NR1D1: variants seen among roughly 807,000 people sequenced by gnomAD.
NR1D1 encodes nuclear receptor subfamily 1 group D member 1, also known as Rev-ErbAalpha.
NR1D1 carries 17 observed loss-of-function variants against 51.1 expected under a neutral mutation model. The observed-to-expected ratio is 0.33, with a 90% CI of 0.23 to 0.50. The LOEUF (loss-of-function observed/expected upper bound fraction) is 0.50, where lower values mean the gene tolerates loss of function less well. Among genes scored for constraint, NR1D1 ranks in the 20% least tolerant of loss-of-function variants. The probability of loss-of-function intolerance (pLI) is 0.98; values close to 1 mark genes in which losing one functional copy is unlikely to be tolerated. For missense variants in NR1D1, 647 were observed against 830.4 expected (o/e 0.78, Z 2.71); for synonymous variants, 341 against 333.4 (o/e 1.02, Z -0.25).
chr17:40,098,074 T>C (rs1987799836), intron 1 of NR1D1, among the ~76,000 whole-genome samples: 2 of 152,300 alleles, frequency 1.3e-5, no homozygotes, highest in Admixed American at 1.3e-4. Flanking sequence ...GTACAAACTG[T>C]CCAGCCTGGG....
At chr17:40,099,075 T>A (rs1285116751) in intron 1 of NR1D1, among the ~76,000 whole-genome samples, 1 of 143,594 alleles carries the variant, frequency 7.0e-6, no homozygotes, top group Non-Finnish European at 1.5e-5. Context: ...CAGCCCAGCT[T>A]CACCCAGATC....
Position 40,093,185 on chromosome 17 carries a change from C to T in NR1D1, c.1743G>A (p.Glu581=). ...RALVLKNRPL[E]TSRFTKLLLK... ...GCAGCAGCTTGGTGAAGCGGGAAGT[C>T]TCCAAGGGCCGGTTCTTCAGCACCA... Residue 581 remains glutamate (E), a synonymous_variant, in exon 8 of 8, where the codon GAG becomes GAA. Coordinates refer to ENST00000246672, the MANE Select transcript of NR1D1 (RefSeq NM_021724.5). The surrounding 1 kb of genome is among the most constrained non-coding windows in gnomAD (Gnocchi z 5.9). The T allele has an allele frequency of 6.2e-7, 1 of 1,613,922 alleles. No individual in the cohort carries two copies. The highest frequency in any genetic ancestry group is 8.5e-7 in the Non-Finnish European group (1 of 1,180,030).
At position 40,092,906 on chromosome 17, in the gene NR1D1, G is replaced by T; in HGVS notation, c.*177C>A. 2 of 1,438,288 alleles carry T rather than the reference G, an allele frequency of 1.4e-6. No individual in the cohort carries two copies. Among genetic ancestry groups the T allele is most frequent in the East Asian group, 4.9e-5 (2 of 40,886 alleles). 89.1% of individuals were successfully genotyped at this position (1,438,288 alleles called of 1,614,324 possible). On this transcript the variant is annotated 3_prime_UTR_variant, in exon 8 of 8. Coordinates refer to ENST00000246672, the MANE Select transcript of NR1D1 (RefSeq NM_021724.5). ...GGGGAGGAGGGGAAGTTCGGTGATG[G>T]GGGAGGGAGGCAGGTATTTACAAGA...
In NR1D1 at chr17:40,094,069, C is replaced by T. The variant is rs1210448277; in HGVS notation, c.1488G>A (p.Met496Ile). 1 of 1,614,044 alleles carries T rather than the reference C, an allele frequency of 6.2e-7. No individual in the cohort carries two copies. The highest frequency in any genetic ancestry group is 8.5e-7 in the Non-Finnish European group (1 of 1,180,042). ...GGCTGTAGGTGGTGCGGCTTAGGAACATCACTGTCTGGTCCTTCACGTTGA... is the reference window on the plus strand; with the variant it reads ...GGCTGTAGGTGGTGCGGCTTAGGAATATCACTGTCTGGTCCTTCACGTTGA... ...SLFNVKDQTVMFLSRTTYSLQ... is the reference protein window; with the variant it reads ...SLFNVKDQTVIFLSRTTYSLQ... The change falls in exon 7 of 8, where the codon ATG (methionine) becomes ATA (isoleucine). Residue 496 changes from methionine to isoleucine, a missense_variant. Coordinates refer to ENST00000246672, the MANE Select transcript of NR1D1 (RefSeq NM_021724.5).
In NR1D1 at chr17:40,096,427, G is replaced by C. The variant is rs199533436; in HGVS notation, c.604+16C>G. On this transcript the variant is annotated intron_variant, in intron 4 of 7. Coordinates refer to ENST00000246672, the MANE Select transcript of NR1D1 (RefSeq NM_021724.5). ...TGGGCGGAAGAAGGGGGGAGGATGT[G>C]GGGATGCTGCCTCACCGTCTCGAGA... The C allele has an allele frequency of 6.2e-7, 1 of 1,614,034 alleles. No individual in the cohort carries two copies. Among genetic ancestry groups the C allele is most frequent in the Non-Finnish European group, 8.5e-7 (1 of 1,179,874 alleles).
chr17:40,093,794 A>G lies in NR1D1; in HGVS notation c.1645+118T>C, dbSNP rs1987682452. On this transcript the variant is annotated intron_variant, in intron 7 of 7. Transcript: ENST00000246672. The surrounding 1 kb of genome is among the most constrained non-coding windows in gnomAD (Gnocchi z 5.9). ...TCCCAAGCTAGACTGTGTCTGAATCATGTCTGTATCCCCAGTGCCCGGTGC... is the reference window on the plus strand; with the variant it reads ...TCCCAAGCTAGACTGTGTCTGAATCGTGTCTGTATCCCCAGTGCCCGGTGC... 1.2e-6 allele frequency: 1 copy of G among 851,234 alleles called. No individual in the cohort carries two copies. Among genetic ancestry groups the G allele is most frequent in the Non-Finnish European group, 1.9e-6 (1 of 538,810 alleles). The allele number at this position is 851,234 out of a possible 1,614,324, so 52.7% of individuals were successfully genotyped here.
chr17:40,097,084 C>G lies in NR1D1; in HGVS notation c.351G>C (p.Lys117Asn). The change falls in exon 2 of 8, where the codon AAG becomes AAC. Residue 117 changes from lysine (K) to asparagine (N), a missense_variant. Lys to Asn is a moderately conservative substitution (Grantham distance 94, BLOSUM62 0). This residue lies in a region of NR1D1 where 98 missense variants were observed against 94.7 expected (regional missense o/e 1.03). Coordinates refer to ENST00000246672, the MANE Select transcript of NR1D1 (RefSeq NM_021724.5). The stretch of plus-strand genomic sequence containing the variant: ...ACTCACTGGTGATGTTGCTGGTGCT[C>G]TTGCTGGGGGACACTCGGCTGCTGT... The part of the protein sequence containing the change: ...MEDSSRVSPS[K>N]STSNITKLNG... The G allele has an allele frequency of 6.2e-7, 1 of 1,601,442 alleles. No homozygotes were observed. Among genetic ancestry groups the G allele is most frequent in the Non-Finnish European group, 8.5e-7 (1 of 1,173,324 alleles).
rs1987669316 is a variant in NR1D1 at position 40,093,465 on chromosome 17, A to C, written c.1646-183T>G. 6.7e-7 allele frequency: 1 copy of C among 1,497,206 alleles called. No homozygotes were observed. Among genetic ancestry groups the C allele is most frequent in the Non-Finnish European group, 8.9e-7 (1 of 1,120,752 alleles). 92.7% of individuals were successfully genotyped at this position (1,497,206 alleles called of 1,614,324 possible). A position where few individuals can be genotyped will look rare whatever the true frequency, so the allele number is the denominator to read the frequency against. On this transcript the variant is annotated intron_variant, in intron 7 of 7. Transcript: ENST00000246672. This position sits in a 1 kb window ranked among gnomAD's most constrained non-coding sequence, Gnocchi z 5.9. ...CTGCCCCAAGAGCAGGAGGTGCCTGAAAGCTGGGAGCGTGGGCTCAGCAGG... is the reference window on the plus strand; with the variant it reads ...CTGCCCCAAGAGCAGGAGGTGCCTGCAAGCTGGGAGCGTGGGCTCAGCAGG...
In NR1D1 at chr17:40,100,461, GC is replaced by G. The variant is rs1987857189; in HGVS notation, c.-368del. 2.2e-6 allele frequency: 1 copy of G among 464,214 alleles called. No homozygotes were observed. Among genetic ancestry groups the G allele is most frequent in the Non-Finnish European group, 3.8e-6 (1 of 262,226 alleles). The allele number at this position is 464,214 out of a possible 1,614,324, so 28.8% of individuals were successfully genotyped here. ...GGGTGGCGAATCTGGAGCTCCCGGT[GC>G]AAAAGTCCCAGAGGAAGAGAGGTTG... On this transcript the variant is annotated 5_prime_UTR_variant, in exon 1 of 8. Transcript: ENST00000246672.
chr17:40,096,549 G>A lies in NR1D1; in HGVS notation c.498C>T (p.Tyr166=). 1 of 1,614,198 alleles carries A rather than the reference G, an allele frequency of 6.2e-7. No individual in the cohort carries two copies. The highest frequency in any genetic ancestry group is 8.5e-7 in the Non-Finnish European group (1 of 1,180,032). The change falls in exon 4 of 8, where the codon TAC becomes TAT. Residue 166 remains tyrosine, a synonymous_variant. Coordinates refer to ENST00000246672, the MANE Select transcript of NR1D1 (RefSeq NM_021724.5). ...FRRSIQQNIQ[Y]KRCLKNENCS... is the part of the protein sequence containing the mutation. ...AATTCTCATTCTTCAGACACCTTTT[G>A]TACTGGATGTTCTGCTGGATGCTCC... is the stretch of plus-strand genomic sequence containing the variant.
Position 40,095,873 on chromosome 17 carries a change from C to T in NR1D1, c.819G>A (p.Leu273=). 1 of 1,613,566 alleles carries T rather than the reference C, an allele frequency of 6.2e-7. No homozygotes were observed. Among genetic ancestry groups the T allele is most frequent in the Non-Finnish European group, 8.5e-7 (1 of 1,179,920 alleles). The change falls in exon 5 of 8, where the codon CTG becomes CTA. Residue 273 remains leucine (L), a synonymous_variant. Coordinates refer to ENST00000246672, the MANE Select transcript of NR1D1 (RefSeq NM_021724.5). ...CAGGGCTTGGGGATCTGGGAGGCGT[C>T]AGCTGTTGTGGAAACTGGGAGAAGC... ...LVGFSQFPQQ[L]TPPRSPSPEP... is the part of the protein sequence containing the mutation.
chr17:40,100,233 T>C lies in NR1D1; in HGVS notation c.-139A>G. On this transcript the variant is annotated 5_prime_UTR_variant, in exon 1 of 8. Transcript: ENST00000246672. ...CTCACGATCAGGATCCGAAGCACCC[T>C]GCAGCAAGGTCTTGGGGTGGCCGGA... is the stretch of plus-strand genomic sequence containing the variant. The C allele has an allele frequency of 1.4e-6, 1 of 728,444 alleles. No individual in the cohort carries two copies. The highest frequency in any genetic ancestry group is 2.5e-6 in the Non-Finnish European group (1 of 396,858). 45.1% of individuals were successfully genotyped at this position (728,444 alleles called of 1,614,324 possible).
chr17:40,099,480 G>A (rs923055603), intron 1 of NR1D1, among the ~76,000 whole-genome samples: 4 of 152,106 alleles, frequency 2.6e-5, no homozygotes, highest in African/African-American at 9.7e-5. Flanking sequence ...CCTCCCGGCG[G>A]CCGGAGCCCT....
intron 4 of NR1D1, 28 bp downstream of exon 4, chr17:40,096,415 G>T: frequency 6.2e-7 from 1 of 1,613,704 alleles, no homozygotes. Context: ...GCGGAAGAAG[G>T]GGGGAGGATG....
At position 40,095,132 on chromosome 17, in the gene NR1D1, A is replaced by G. The variant is rs200437448; in HGVS notation, c.1249-12T>C. On this transcript the variant is annotated splice_polypyrimidine_tract_variant and intron_variant, in intron 5 of 7. Transcript: ENST00000246672. ...TTCATAGGACATGCCTGGGGGAGGAAAAGATTGAAGGAGGGGAGTGTCAGC... is the reference window on the plus strand; with the variant it reads ...TTCATAGGACATGCCTGGGGGAGGAGAAGATTGAAGGAGGGGAGTGTCAGC... 1 of 1,607,268 alleles carries G rather than the reference A, an allele frequency of 6.2e-7. No homozygotes were observed. The highest frequency in any genetic ancestry group is 8.5e-7 in the Non-Finnish European group (1 of 1,175,842).
chr17:40,100,112 G>GCGGT lies in NR1D1; in HGVS notation c.-22_-19dup. 1 of 1,606,382 alleles carries GCGGT rather than the reference G, an allele frequency of 6.2e-7. No individual in the cohort carries two copies. Among genetic ancestry groups the GCGGT allele is most frequent in the Non-Finnish European group, 8.5e-7 (1 of 1,173,094 alleles). ...GTCGTCATGTCTTCACCAGCTGAGA[G>GCGGT]CGGTCATTCAAACTGGACCTTGACT... On this transcript the variant is annotated 5_prime_UTR_variant, in exon 1 of 8. It removes the in-frame stop codon of an upstream open reading frame in the 5' UTR. Coordinates refer to ENST00000246672, the MANE Select transcript of NR1D1 (RefSeq NM_021724.5).
Position 40,095,628 on chromosome 17 carries a change from A to G in NR1D1, c.1064T>C (p.Leu355Pro). Residue 355 changes from leucine (L) to proline (P), a missense_variant, in exon 5 of 8, where the codon CTA (leucine) becomes CCA (proline). Physicochemically the swap from Leu to Pro is moderately conservative, Grantham distance 98. Coordinates refer to ENST00000246672, the MANE Select transcript of NR1D1 (RefSeq NM_021724.5). Reference protein sequence around the residue: ...TLAAQRHNEALNGLRQAPSSY... With the variant: ...TLAAQRHNEAPNGLRQAPSSY... Reference sequence around the variant, plus strand: ...GGAGGGAGCCTGGCGCAGACCATTTAGGGCCTCGTTATGACGCTGGGCAGC... The same window carrying G: ...GGAGGGAGCCTGGCGCAGACCATTTGGGGCCTCGTTATGACGCTGGGCAGC... 6.2e-7 allele frequency: 1 copy of G among 1,612,068 alleles called. No homozygotes were observed. Among genetic ancestry groups the G allele is most frequent in the Non-Finnish European group, 8.5e-7 (1 of 1,178,720 alleles).
chr17:40,097,645 C>T (rs1379841575), intron 1 of NR1D1, among the ~76,000 whole-genome samples: 1 of 152,172 alleles, frequency 6.6e-6, no homozygotes, highest in African/African-American at 2.4e-5. Context: ...GAGGCATGAC[C>T]CCTGTGGCAT....
chr17:40,093,576 T>C lies in NR1D1; in HGVS notation c.1646-294A>G, dbSNP rs1448164803. 13 of 889,628 alleles carry C rather than the reference T, an allele frequency of 1.5e-5. No homozygotes were observed. The highest frequency in any genetic ancestry group is 1.7e-5 in the Non-Finnish European group (10 of 601,396). 55.1% of individuals were successfully genotyped at this position (889,628 alleles called of 1,614,324 possible). ...GACTCCCTTGCTTTTTGCTGTGTAG[T>C]TCCCTCTGCCTGGGATGCCCTTCCC... On this transcript the variant is annotated intron_variant, in intron 7 of 7. Transcript: ENST00000246672. This position sits in a 1 kb window ranked among gnomAD's most constrained non-coding sequence, Gnocchi z 5.9.
Sources: gnomAD v4.1 joint callset for allele counts (sites outside exome capture counted in the v4.1 genomes callset) on GRCh38, gnomAD v4.1.1 for gene constraint, gnomAD v4.1.1 regional missense constraint, Gnocchi (gnomAD v3.1) non-coding constraint, MANE v1.5 for transcripts, NCBI Gene and HGNC (gene_info 2026-07-23, HGNC 2026-07-21) for gene names.